PDZD8: variants seen among roughly 807,000 people sequenced by gnomAD.
The protein encoded by PDZD8 is PDZ domain-containing protein 8.
A neutral mutation model predicts 85.8 loss-of-function variants in PDZD8; 14 were observed. The ratio of observed to expected loss-of-function variants is 0.16; its 90% CI spans 0.11 to 0.26. The LOEUF (loss-of-function observed/expected upper bound fraction) is 0.26. PDZD8 is among the 10% of genes least tolerant of loss of function. PDZD8 has a pLI of 1.00. For missense variants in PDZD8, 1,197 were observed against 1,424.3 expected (o/e 0.84, Z 2.57); for synonymous variants, 592 against 568.6 (o/e 1.04, Z -0.59).
intron 2 of PDZD8, among the ~76,000 whole-genome samples, chr10:117,321,633 T>C (rs1165519796): frequency 6.6e-6 from 1 of 152,152 alleles, no homozygotes; most frequent in Non-Finnish European, 1.5e-5. Flanking sequence ...GTGAATTGCA[T>C]GGTATATTAA....
chr10:117,311,614 A>G (rs1844037929), intron 3 of PDZD8, among the ~76,000 whole-genome samples: 1 of 152,296 alleles, frequency 6.6e-6, no homozygotes, highest in East Asian at 1.9e-4. Context: ...AAGGAGTTTC[A>G]TGATAGTTAG....
At chr10:117,314,823 A>G (rs1472748647) in intron 3 of PDZD8, among the ~76,000 whole-genome samples, 15 of 152,142 alleles carry the variant, frequency 9.9e-5, no homozygotes, top group Non-Finnish European at 7.4e-5. Flanking sequence ...ATATACCAAT[A>G]TTGTTTGGAT....
At chr10:117,288,759 C>T (rs1257765392) in intron 4 of PDZD8, among the ~76,000 whole-genome samples, 11 of 152,272 alleles carry the variant, frequency 7.2e-5, no homozygotes, top group African/African-American at 1.4e-4. Context: ...CCACCCGCCT[C>T]GGCCTCCCAA....
intron 2 of PDZD8, among the ~76,000 whole-genome samples, chr10:117,331,413 T>A (rs912769359): frequency 6.6e-6 from 1 of 152,178 alleles, no homozygotes; most frequent in African/African-American, 2.4e-5. Flanking sequence ...TGCCAGACAT[T>A]GCACAGCTAA....
At chr10:117,319,577 G>T (rs1326713554) in intron 2 of PDZD8, among the ~76,000 whole-genome samples, 1 of 152,080 alleles carries the variant, frequency 6.6e-6, no homozygotes, top group Non-Finnish European at 1.5e-5. Flanking sequence ...AAGGCATTTA[G>T]CATAGTGCCT....
intron 3 of PDZD8, among the ~76,000 whole-genome samples, chr10:117,308,485 T>C (rs1416431065): frequency 1.3e-5 from 2 of 152,124 alleles, no homozygotes; most frequent in Non-Finnish European, 1.5e-5. Flanking sequence ...TAAATAATAA[T>C]AGATATTATG....
At chr10:117,330,618 C>T (rs920480398) in intron 2 of PDZD8, among the ~76,000 whole-genome samples, 6 of 152,164 alleles carry the variant, frequency 3.9e-5, no homozygotes, top group Non-Finnish European at 7.4e-5. Context: ...TCCCACGTGT[C>T]CCTTCCTTCT....
At chr10:117,306,687 T>A (rs7907208) in intron 3 of PDZD8, among the ~76,000 whole-genome samples, 41,776 of 151,572 alleles carry the variant, frequency 0.28, 6,139 homozygotes, top group Middle Eastern at 0.37. Flanking sequence ...GGTTTTTTTT[T>A]AAAAAATTAC....
intron 1 of PDZD8, among the ~76,000 whole-genome samples, chr10:117,353,964 G>A (rs981952681): frequency 6.6e-6 from 1 of 152,106 alleles, no homozygotes; most frequent in African/African-American, 2.4e-5. Context: ...CTAAAAATGA[G>A]TTAAACACCC....
rs1246488669 is a variant in PDZD8, at chr10:117,279,185, T to C, written c.*4083A>G. On this transcript the variant is annotated 3_prime_UTR_variant, in exon 5 of 5. Coordinates refer to ENST00000334464, the MANE Select transcript of PDZD8 (RefSeq NM_173791.5). The stretch of plus-strand genomic sequence containing the variant: ...TTGGGGAAAAAAATTCTAAGTTCTT[T>C]TATATGACTAATATTCTTGGTTAGC... 1 of 152,214 alleles carries C rather than the reference T, an allele frequency of 6.6e-6. No individual in the cohort carries two copies. Among genetic ancestry groups the C allele is most frequent in the Non-Finnish European group, 1.5e-5 (1 of 68,040 alleles). 9.4% of individuals were successfully genotyped at this position (152,214 alleles called of 1,614,324 possible). A position where few individuals can be genotyped will look rare whatever the true frequency, so the allele number is the denominator to read the frequency against.
At chr10:117,361,351 C>T (rs530721508) in intron 1 of PDZD8, among the ~76,000 whole-genome samples, 1 of 152,236 alleles carries the variant, frequency 6.6e-6, no homozygotes, top group African/African-American at 2.4e-5. Flanking sequence ...TTAATTTACT[C>T]CCTGTTAGCA....
At chr10:117,365,354 T>C (rs558737660) in intron 1 of PDZD8, among the ~76,000 whole-genome samples, 1 of 152,292 alleles carries the variant, frequency 6.6e-6, no homozygotes, top group African/African-American at 2.4e-5. Flanking sequence ...AAAAAGATGC[T>C]AACAATGAAG....
intron 3 of PDZD8, 64 bp from the exon 4 acceptor site, chr10:117,290,412 C>T: frequency 2.3e-6 from 3 of 1,305,442 alleles, no homozygotes; most frequent in African/African-American, 3.0e-5. Flanking sequence ...AGGAAAAAAA[C>T]AGTAACAGAC....
At chr10:117,355,199 C>T (rs1216018152) in intron 1 of PDZD8, among the ~76,000 whole-genome samples, 1 of 152,160 alleles carries the variant, frequency 6.6e-6, no homozygotes, top group Non-Finnish European at 1.5e-5. Context: ...TCCTGAGAAA[C>T]TGTACCTGCT....
At chr10:117,312,365 TA>T (rs1209208535) in intron 3 of PDZD8, among the ~76,000 whole-genome samples, 1 of 152,126 alleles carries the variant, frequency 6.6e-6, no homozygotes, top group African/African-American at 2.4e-5. Context: ...CATCCTACAA[TA>T]CGCAATCAGA....
chr10:117,285,985 C>T (rs1844656215), intron 4 of PDZD8, among the ~76,000 whole-genome samples: 2 of 152,172 alleles, frequency 1.3e-5, no homozygotes, highest in Non-Finnish European at 1.5e-5. Context: ...AAATACTATA[C>T]TATGAATAAC....
Position 117,284,822 on chromosome 10 carries a change from T to A in PDZD8, c.1911A>T (p.Lys637Asn). The change falls in exon 5 of 5, where the codon AAA becomes AAT. Residue 637 changes from lysine to asparagine, a missense_variant. By Grantham distance (94) the Lys-to-Asn change is moderately conservative (BLOSUM62 0). Around this residue, in one of 4 missense-constraint regions of PDZD8, gnomAD observed 263 missense variants for 261.9 expected, o/e 1.00. Coordinates refer to ENST00000334464, the MANE Select transcript of PDZD8 (RefSeq NM_173791.5). ...LVDKSAEKQA[K>N]NVDAIDDAAA... is the part of the protein sequence containing the mutation. ...CTGCATCGTCTATGGCATCCACATTTTTTGCTTGCTTTTCAGCAGATTTAT... is the reference window on the plus strand; with the variant it reads ...CTGCATCGTCTATGGCATCCACATTATTTGCTTGCTTTTCAGCAGATTTAT... The A allele has an allele frequency of 6.2e-7, 1 of 1,614,160 alleles. No homozygotes were observed. Among genetic ancestry groups the A allele is most frequent in the South Asian group, 1.1e-5 (1 of 91,076 alleles).
At chr10:117,293,996 A>C (rs896154059) in intron 3 of PDZD8, among the ~76,000 whole-genome samples, 1 of 152,168 alleles carries the variant, frequency 6.6e-6, no homozygotes, top group Non-Finnish European at 1.5e-5. Flanking sequence ...AAAATATTTC[A>C]AATGAAATGA....
intron 1 of PDZD8, among the ~76,000 whole-genome samples, chr10:117,347,053 C>A (rs769505831): frequency 6.6e-6 from 1 of 151,870 alleles, no homozygotes; most frequent in Non-Finnish European, 1.5e-5. Context: ...TTAAACTTTC[C>A]TCTCCTAAAC....
Sources: gnomAD v4.1 joint callset for allele counts (sites outside exome capture counted in the v4.1 genomes callset) on GRCh38, gnomAD v4.1.1 for gene constraint, gnomAD v4.1.1 regional missense constraint, MANE v1.5 for transcripts, NCBI Gene and HGNC (gene_info 2026-07-23, HGNC 2026-07-21) for gene names.